CCDC192: variants seen among roughly 807,000 people sequenced by gnomAD.
The protein encoded by CCDC192 is coiled-coil domain-containing protein 192.
intron 2 of CCDC192, among the ~76,000 whole-genome samples, chr5:127,722,728 A>T (rs1368332246): frequency 1.3e-5 from 2 of 152,144 alleles, no homozygotes; most frequent in Non-Finnish European, 2.9e-5. Context: ...CCCTTCTCCA[A>T]TGTATGTTCT....
At chr5:127,780,621 A>G (rs1009398279) in intron 3 of CCDC192, among the ~76,000 whole-genome samples, 2 of 151,762 alleles carry the variant, frequency 1.3e-5, no homozygotes, top group African/African-American at 4.8e-5. Context: ...TGTATATCTC[A>G]TTTTCAGAAT....
chr5:127,924,532 A>G (rs1239088139), intron 6 of CCDC192, among the ~76,000 whole-genome samples: 1 of 152,236 alleles, frequency 6.6e-6, no homozygotes, highest in African/African-American at 2.4e-5. Flanking sequence ...TATCTTTTAA[A>G]GCCAGGAATA....
chr5:127,806,214 C>G (rs2126989328), intron 5 of CCDC192, among the ~76,000 whole-genome samples: 1 of 152,264 alleles, frequency 6.6e-6, no homozygotes, highest in Non-Finnish European at 1.5e-5. Flanking sequence ...TAGTTGTTGG[C>G]TTTACTAGTG....
chr5:127,872,926 A>C (rs1751922325), intron 5 of CCDC192, among the ~76,000 whole-genome samples: 1 of 152,208 alleles, frequency 6.6e-6, no homozygotes, highest in Non-Finnish European at 1.5e-5. Context: ...AGAACATATA[A>C]TCACCATAAA....
At chr5:127,787,738 G>T (rs545574431) in intron 3 of CCDC192, among the ~76,000 whole-genome samples, 1 of 151,984 alleles carries the variant, frequency 6.6e-6, no homozygotes, top group Non-Finnish European at 1.5e-5. Flanking sequence ...GTCATACTAC[G>T]TCTGTTATGT....
At chr5:127,859,733 A>G (rs1467767385) in intron 5 of CCDC192, among the ~76,000 whole-genome samples, 1 of 152,116 alleles carries the variant, frequency 6.6e-6, no homozygotes, top group East Asian at 1.9e-4. Flanking sequence ...CATGTCTCTT[A>G]AATGTCCTTC....
At chr5:127,733,783 A>G (rs1024608743) in intron 2 of CCDC192, among the ~76,000 whole-genome samples, 1 of 151,252 alleles carries the variant, frequency 6.6e-6, no homozygotes, top group Non-Finnish European at 1.5e-5. Flanking sequence ...CTGTCCACCA[A>G]GCCAGATTCC....
chr5:127,925,438 C>T (rs1026981895), intron 6 of CCDC192, among the ~76,000 whole-genome samples: 6 of 152,024 alleles, frequency 3.9e-5, no homozygotes, highest in African/African-American at 1.2e-4. Context: ...ACGAGTATTC[C>T]ACAAGCTGTC....
chr5:127,893,000 A>T (rs967492450), intron 6 of CCDC192, among the ~76,000 whole-genome samples: 1 of 152,206 alleles, frequency 6.6e-6, no homozygotes, highest in Non-Finnish European at 1.5e-5. Flanking sequence ...CTCAGCCAGG[A>T]TCGGAGATAT....
chr5:127,797,761 A>T (rs1025999493), intron 4 of CCDC192, among the ~76,000 whole-genome samples: 3 of 11,378 alleles, frequency 2.6e-4, no homozygotes, highest in Admixed American at 2.0e-3. Flanking sequence ...ATATATATAT[A>T]TATATATATA....
chr5:127,854,302 A>G (rs1223029049), intron 5 of CCDC192, among the ~76,000 whole-genome samples: 1 of 152,222 alleles, frequency 6.6e-6, no homozygotes, highest in African/African-American at 2.4e-5. Context: ...CCTTATCTGC[A>G]GATGACTTCC....
intron 3 of CCDC192, chr5:127,786,089 G>A (rs370352824): frequency 2.5e-6 from 2 of 814,832 alleles, no homozygotes; most frequent in Middle Eastern, 2.3e-4. Context: ...TTATACATGT[G>A]TCCCAAATCT....
intron 4 of CCDC192, among the ~76,000 whole-genome samples, chr5:127,797,683 A>G (rs1052920758): frequency 6.8e-6 from 1 of 147,334 alleles, no homozygotes; most frequent in Non-Finnish European, 1.5e-5. Context: ...CTCTTGTTCA[A>G]TCCAAAGGGT....
At chr5:127,909,143 G>A (rs1424943494) in intron 6 of CCDC192, among the ~76,000 whole-genome samples, 1 of 152,174 alleles carries the variant, frequency 6.6e-6, no homozygotes, top group Non-Finnish European at 1.5e-5. Flanking sequence ...AAAGGTCTGT[G>A]AAGGCAGACA....
chr5:127,744,295 T>A, intron 2 of CCDC192, among the ~76,000 whole-genome samples: 1 of 151,566 alleles, frequency 6.6e-6, no homozygotes, highest in Non-Finnish European at 1.5e-5. Context: ...GGGGAAAGAC[T>A]TGAATCTGCA....
At chr5:127,774,926 C>T (rs1755770722) in intron 3 of CCDC192, among the ~76,000 whole-genome samples, 1 of 152,106 alleles carries the variant, frequency 6.6e-6, no homozygotes, top group Non-Finnish European at 1.5e-5. Flanking sequence ...TCTTTAATTT[C>T]TTTCTATAAC....
chr5:127,849,277 A>G (rs1750695770), intron 5 of CCDC192, among the ~76,000 whole-genome samples: 1 of 152,160 alleles, frequency 6.6e-6, no homozygotes. Context: ...ACTTGAAATT[A>G]GTAAGCCTAG....
chr5:127,921,396 A>G (rs1753717815), intron 6 of CCDC192, among the ~76,000 whole-genome samples: 1 of 152,168 alleles, frequency 6.6e-6, no homozygotes, highest in South Asian at 2.1e-4. Flanking sequence ...AATCACCATC[A>G]TTGCCTCCAA....
intron 2 of CCDC192, among the ~76,000 whole-genome samples, chr5:127,730,065 A>G (rs1165540630): frequency 6.6e-6 from 1 of 152,182 alleles, no homozygotes; most frequent in Non-Finnish European, 1.5e-5. Flanking sequence ...ACCCTTCCAA[A>G]AATCAATTAA....
Sources: gnomAD v4.1 joint callset for allele counts (sites outside exome capture counted in the v4.1 genomes callset) on GRCh38, gnomAD v4.1.1 for gene constraint, MANE v1.5 for transcripts, NCBI Gene and HGNC (gene_info 2026-07-23, HGNC 2026-07-21) for gene names.